Variants in IMMP2L observed in about 807,000 individuals in gnomAD.
The protein encoded by IMMP2L is inner mitochondrial membrane peptidase subunit 2.
Under a neutral mutation model 19.3 loss-of-function variants are expected in IMMP2L, and 18 were observed. That is an observed-to-expected ratio of 0.93 (90% CI 0.64 to 1.38). IMMP2L has a LOEUF of 1.38. IMMP2L is among the 40% of genes most tolerant of loss of function. The pLI, the probability that IMMP2L is intolerant of heterozygous loss-of-function variation, is 0.00. For missense variants in IMMP2L, 233 were observed against 218.2 expected (o/e 1.07, Z -0.43); for synonymous variants, 76 against 73.0 (o/e 1.04, Z -0.21).
chr7:111,210,990 GTTC>G (rs981345734), intron 3 of IMMP2L, among the ~76,000 whole-genome samples: 2 of 152,180 alleles, frequency 1.3e-5, no homozygotes, highest in African/African-American at 4.8e-5. Context: ...AAGCAAAAAT[GTTC>G]TTCTTCTTCC....
At chr7:110,908,746 A>G (rs1812737920) in intron 4 of IMMP2L, among the ~76,000 whole-genome samples, 1 of 152,246 alleles carries the variant, frequency 6.6e-6, no homozygotes. Context: ...CAGGGATAAC[A>G]ATGTAACAGA....
intron 5 of IMMP2L, among the ~76,000 whole-genome samples, chr7:110,829,673 A>G (rs1803794569): frequency 6.6e-6 from 1 of 152,218 alleles, no homozygotes; most frequent in Non-Finnish European, 1.5e-5. Context: ...ATAGATTCAT[A>G]TTTTAATGTT....
At chr7:111,377,647 T>C (rs986491193) in intron 3 of IMMP2L, among the ~76,000 whole-genome samples, 7 of 152,062 alleles carry the variant, frequency 4.6e-5, no homozygotes, top group Non-Finnish European at 8.8e-5. Context: ...TTATTCGGCT[T>C]GGCTTTTGAT....
intron 5 of IMMP2L, among the ~76,000 whole-genome samples, chr7:110,794,347 G>C (rs1246642680): frequency 1.3e-5 from 2 of 152,056 alleles, no homozygotes; most frequent in East Asian, 3.9e-4. Context: ...TCAAGCCATA[G>C]AAAGACATAG....
At chr7:111,007,953 T>C (rs565376369) in intron 3 of IMMP2L, among the ~76,000 whole-genome samples, 1 of 152,244 alleles carries the variant, frequency 6.6e-6, no homozygotes, top group South Asian at 2.1e-4. Context: ...AAAAACATTA[T>C]TGATTCCTCT....
intron 5 of IMMP2L, among the ~76,000 whole-genome samples, chr7:110,792,250 A>G (rs1322993882): frequency 6.6e-6 from 1 of 151,598 alleles, no homozygotes; most frequent in Non-Finnish European, 1.5e-5. Flanking sequence ...TCTTACATGA[A>G]AAGGGATTAT....
At chr7:111,281,156 C>CAGAAAGAA (rs1157660179) in intron 3 of IMMP2L, among the ~76,000 whole-genome samples, 22 of 67,848 alleles carry the variant, frequency 3.2e-4, no homozygotes, top group Non-Finnish European at 4.1e-4. Flanking sequence ...GACAGAAAGA[C>CAGAAAGAA]AGAAAGAAAG....
intron 3 of IMMP2L, among the ~76,000 whole-genome samples, chr7:111,443,716 T>C (rs1837985800): frequency 6.6e-6 from 1 of 152,150 alleles, no homozygotes; most frequent in South Asian, 2.1e-4. Context: ...ACTATTATAT[T>C]AATTCAAATA....
intron 5 of IMMP2L, among the ~76,000 whole-genome samples, chr7:110,874,852 A>G (rs920493911): frequency 2.0e-5 from 3 of 152,078 alleles, no homozygotes; most frequent in African/African-American, 7.2e-5. Context: ...AGGAACCAGC[A>G]GGTTTGATGA....
chr7:111,102,275 C>T lies in IMMP2L; in HGVS notation c.240-138710G>A, dbSNP rs78694621. Among the ~76,000 whole-genome samples, 622 of 151,472 alleles carry T rather than the reference C, an allele frequency of 4.1e-3. 4 individuals are homozygous for T. The highest frequency in any genetic ancestry group is 0.014 in the African/African-American group (597 of 41,396). On this transcript the variant is annotated intron_variant, in intron 3 of 5. Transcript: ENST00000405709. ...TTTTAAAAAGTTTGGACCATATGCT[C>T]CTGTCAAATCATTCTTTTTTTTAAT...
chr7:111,153,385 C>T (rs559442482), intron 3 of IMMP2L, among the ~76,000 whole-genome samples: 1 of 152,058 alleles, frequency 6.6e-6, no homozygotes, highest in African/African-American at 2.4e-5. Context: ...AGTAGTTTGT[C>T]TTACAACATA....
At chr7:110,947,006 C>T (rs1199538475) in intron 4 of IMMP2L, among the ~76,000 whole-genome samples, 1 of 152,112 alleles carries the variant, frequency 6.6e-6, no homozygotes, top group East Asian at 1.9e-4. Flanking sequence ...AGGCGTGAGC[C>T]ACCGCGCCTG....
chr7:111,021,779 A>G (rs550338324), intron 3 of IMMP2L, among the ~76,000 whole-genome samples: 1 of 152,290 alleles, frequency 6.6e-6, no homozygotes, highest in East Asian at 1.9e-4. Flanking sequence ...GCTACTCAGG[A>G]GGCTGAGGCA....
rs200293448 is a variant in IMMP2L, at chr7:111,112,904, G to GA, written c.240-149340dup. 6.9e-3 allele frequency among the ~76,000 whole-genome samples: 1,052 copies of GA among 152,172 alleles called. 3 individuals are homozygous for GA. Among genetic ancestry groups the GA allele is most frequent in the Non-Finnish European group, 0.012 (784 of 67,974 alleles). ...ATTTAGTCTCTTGTTTATTGCATTTGAAAAAATTCTTTCAAACTGAAGGAG... is the reference window on the plus strand; with the variant it reads ...ATTTAGTCTCTTGTTTATTGCATTTGAAAAAAATTCTTTCAAACTGAAGGAG... On this transcript the variant is annotated intron_variant, in intron 3 of 5. Coordinates refer to ENST00000405709, the MANE Select transcript of IMMP2L (RefSeq NM_032549.4).
At chr7:111,292,102 T>C (rs1160137840) in intron 3 of IMMP2L, among the ~76,000 whole-genome samples, 1 of 152,138 alleles carries the variant, frequency 6.6e-6, no homozygotes, top group East Asian at 1.9e-4. Flanking sequence ...TATTCAAAAA[T>C]GCCTGTCAAA....
intron 1 of IMMP2L, among the ~76,000 whole-genome samples, chr7:111,544,422 G>A (rs779779583): frequency 6.6e-5 from 10 of 152,050 alleles, no homozygotes; most frequent in African/African-American, 1.7e-4. Flanking sequence ...GGCTCCTACC[G>A]ACTCTATGAA....
intron 3 of IMMP2L, chr7:111,124,709 T>C: frequency 6.8e-6 from 11 of 1,613,950 alleles, no homozygotes; most frequent in Non-Finnish European, 9.3e-6. Flanking sequence ...ATATGTCTTA[T>C]CAGCTGCCTC....
intron 3 of IMMP2L, among the ~76,000 whole-genome samples, chr7:111,486,080 A>C (rs1242791454): frequency 6.6e-6 from 1 of 152,182 alleles, no homozygotes; most frequent in Non-Finnish European, 1.5e-5. Flanking sequence ...GGAATGACAA[A>C]ATAAAAGTAC....
intron 3 of IMMP2L, among the ~76,000 whole-genome samples, chr7:110,978,721 GAAAGA>G (rs1820952497): frequency 6.6e-6 from 1 of 151,852 alleles, no homozygotes; most frequent in Admixed American, 6.6e-5. Flanking sequence ...TTTTATCTGA[GAAAGA>G]AAAAAGTATT....
Sources: allele counts gnomAD v4.1 joint callset (sites outside exome capture counted in the v4.1 genomes callset), GRCh38; gene constraint gnomAD v4.1.1; transcripts MANE v1.5; gene names NCBI Gene and HGNC (gene_info 2026-07-23, HGNC 2026-07-21).